Variants in NGEF observed in about 807,000 individuals in gnomAD.
NGEF encodes neuronal guanine nucleotide exchange factor.
NGEF carries 31 observed loss-of-function variants against 80.9 expected under a neutral mutation model. The observed-to-expected ratio is 0.38, with a 90% CI of 0.29 to 0.52. The LOEUF (loss-of-function observed/expected upper bound fraction) is 0.52. Among genes scored for constraint, NGEF ranks in the 20% least tolerant of loss-of-function variants. NGEF has a pLI of 0.84. For synonymous variants in NGEF, 371 were observed against 370.2 expected, an observed-to-expected ratio of 1.00 and a Z score of -0.03; for missense variants, 709 against 926.2, an observed-to-expected ratio of 0.77 and a Z score of 3.04.
intron 3 of NGEF, among the ~76,000 whole-genome samples, chr2:232,951,795 A>T (rs1353307943): frequency 6.6e-6 from 1 of 152,158 alleles, no homozygotes; most frequent in Non-Finnish European, 1.5e-5. Flanking sequence ...AATTTCTCCC[A>T]TGGGTTCTTG....
chr2:232,889,655 G>A (rs1292053668), intron 8 of NGEF, among the ~76,000 whole-genome samples: 3 of 152,108 alleles, frequency 2.0e-5, no homozygotes, highest in Non-Finnish European at 4.4e-5. Context: ...TATTTCCCAC[G>A]GAACTGCGTT....
At chr2:232,945,826 C>G (rs73102786) in intron 3 of NGEF, among the ~76,000 whole-genome samples, 6,270 of 150,546 alleles carry the variant, frequency 0.042, 433 homozygotes, top group African/African-American at 0.15. Context: ...GTTCTGTGTG[C>G]ATTTGTAGAA....
chr2:232,951,692 C>T (rs1273039724), intron 3 of NGEF, among the ~76,000 whole-genome samples: 5 of 152,144 alleles, frequency 3.3e-5, no homozygotes, highest in African/African-American at 4.8e-5. Flanking sequence ...CAGTGCACAT[C>T]GCTTGCTCTT....
At chr2:232,917,163 T>A (rs1430571678) in intron 5 of NGEF, among the ~76,000 whole-genome samples, 1 of 152,088 alleles carries the variant, frequency 6.6e-6, no homozygotes, top group East Asian at 1.9e-4. Context: ...CTCTGAAGAG[T>A]CCAGGGAAGA....
chr2:232,946,544 G>A (rs1419580559), intron 3 of NGEF, among the ~76,000 whole-genome samples: 1 of 152,212 alleles, frequency 6.6e-6, no homozygotes, highest in Non-Finnish European at 1.5e-5. Flanking sequence ...ACATACATGG[G>A]CACAATTTCC....
intron 1 of NGEF, among the ~76,000 whole-genome samples, chr2:232,994,429 C>A (rs1270276210): frequency 6.7e-5 from 10 of 150,154 alleles, no homozygotes; most frequent in Non-Finnish European, 1.5e-4. Context: ...AAGTTTTGAA[C>A]ACTGGTTAAC....
chr2:232,988,033 T>G (rs1694568807), intron 1 of NGEF, among the ~76,000 whole-genome samples: 1 of 94,124 alleles, frequency 1.1e-5, no homozygotes, highest in African/African-American at 3.9e-5. Flanking sequence ...GAAGGGATGG[T>G]CTCGTGTGTG....
At chr2:233,012,860 A>C in intron 1 of NGEF, 2 of 470,838 alleles carry the variant, frequency 4.2e-6, no homozygotes, top group Non-Finnish European at 8.8e-6. Context: ...AGATGGTGAA[A>C]CTGAGTGCCA....
chr2:232,957,570 G>A (rs910192370), intron 3 of NGEF, among the ~76,000 whole-genome samples: 11 of 152,150 alleles, frequency 7.2e-5, no homozygotes, highest in South Asian at 2.1e-4. Flanking sequence ...TGATCTGCCC[G>A]CCTCGGTCTC....
chr2:232,922,437 G>A lies in NGEF; in HGVS notation c.527-1852C>T, dbSNP rs986181124. Among the ~76,000 whole-genome samples, 11 of 152,100 alleles carry A rather than the reference G, an allele frequency of 7.2e-5. No homozygotes were observed. The South Asian group carries it at 1.0e-3, about 14-fold the overall frequency. On this transcript the variant is annotated intron_variant, in intron 4 of 14. Transcript: ENST00000264051. ...ATCCACTTCAGCAAGCTTAGAGCCCGTGCTTTTCCAACGATGCAACCCAGC... is the reference window on the plus strand; with the variant it reads ...ATCCACTTCAGCAAGCTTAGAGCCCATGCTTTTCCAACGATGCAACCCAGC...
At chr2:233,006,587 C>T (rs1695088445) in intron 1 of NGEF, among the ~76,000 whole-genome samples, 1 of 152,174 alleles carries the variant, frequency 6.6e-6, no homozygotes, top group Non-Finnish European at 1.5e-5. Context: ...ACTATGTGCA[C>T]TCATAAATTC....
chr2:232,879,274 C>T lies in NGEF; in HGVS notation c.*215G>A, dbSNP rs1017471354. ...GCTGAAACCTTCTTGTTTACAAATG[C>T]ATCAGGAGAGGCTTGGGCACCCTTT... On this transcript the variant is annotated 3_prime_UTR_variant, in exon 15 of 15. Transcript: ENST00000264051. 9 of 537,688 alleles carry T rather than the reference C, an allele frequency of 1.7e-5. No homozygotes were observed. Among genetic ancestry groups the T allele is most frequent in the African/African-American group, 1.3e-4 (7 of 53,066 alleles). The allele number at this position is 537,688 out of a possible 1,614,324, so 33.3% of individuals were successfully genotyped here.
intron 3 of NGEF, among the ~76,000 whole-genome samples, chr2:232,955,921 T>C (rs970628287): frequency 1.2e-4 from 18 of 152,224 alleles, no homozygotes; most frequent in African/African-American, 3.6e-4. Flanking sequence ...TAATATTAGA[T>C]GAAGGGTTTG....
intron 3 of NGEF, among the ~76,000 whole-genome samples, chr2:232,961,481 G>A (rs1000491536): frequency 6.6e-6 from 1 of 152,028 alleles, no homozygotes; most frequent in African/African-American, 2.4e-5. Context: ...TGGTCAACCA[G>A]ATTATTTTAT....
rs549972681 is a variant in NGEF, at chr2:232,905,592, C to G, written c.829-10676G>C. Reference sequence around the variant, plus strand: ...TCTGGGACGTGAGGAGCCCCTCTGCCTGGCTGCCCAGTCTGGAAAGTGAGG... The same window carrying G: ...TCTGGGACGTGAGGAGCCCCTCTGCGTGGCTGCCCAGTCTGGAAAGTGAGG... On this transcript the variant is annotated intron_variant, in intron 5 of 14. Coordinates refer to ENST00000264051, the MANE Select transcript of NGEF (RefSeq NM_019850.3). 786 of 285,912 alleles carry G rather than the reference C, an allele frequency of 2.7e-3. 2 individuals are homozygous for G. Among genetic ancestry groups the G allele is most frequent in the Non-Finnish European group, 4.4e-3 (614 of 138,992 alleles). 17.7% of individuals were successfully genotyped at this position (285,912 alleles called of 1,614,324 possible).
At position 232,995,095 on chromosome 2, in the gene NGEF, A is replaced by AC. The variant is rs145501372; in HGVS notation, c.-75+17972_-75+17973insG. 4.4e-3 allele frequency among the ~76,000 whole-genome samples: 31 copies of AC among 7,026 alleles called. 4 individuals are homozygous for AC. The highest frequency in any genetic ancestry group is 9.6e-3 in the Admixed American group (6 of 626). The allele number at this position is 7,026 out of a possible 152,430, so 4.6% of individuals were successfully genotyped here. On this transcript the variant is annotated intron_variant, in intron 1 of 14. Transcript: ENST00000264051. ...TACTGTATATGTGTACAGTATGTATATGTGTACAGTATGTATATGTGTACA... is the reference window on the plus strand; with the variant it reads ...TACTGTATATGTGTACAGTATGTATACTGTGTACAGTATGTATATGTGTACA...
chr2:232,953,556 T>C (rs1248452317), intron 3 of NGEF, among the ~76,000 whole-genome samples: 1 of 151,698 alleles, frequency 6.6e-6, no homozygotes, highest in Admixed American at 6.6e-5. Context: ...GACACTGATA[T>C]ACATTCCTTT....
intron 5 of NGEF, chr2:232,901,396 G>C: frequency 1.0e-6 from 1 of 985,470 alleles, no homozygotes; most frequent in Non-Finnish European, 1.2e-6. Flanking sequence ...GGTTCGCCGT[G>C]GACCTCTGGG....
At chr2:232,957,339 T>C (rs11888151) in intron 3 of NGEF, among the ~76,000 whole-genome samples, 28,873 of 151,942 alleles carry the variant, frequency 0.19, 7,529 homozygotes, top group African/African-American at 0.59. Flanking sequence ...TATTATTATT[T>C]TGAGATGGAG....
Sources: allele counts gnomAD v4.1 joint callset (sites outside exome capture counted in the v4.1 genomes callset), GRCh38; gene constraint gnomAD v4.1.1; transcripts MANE v1.5; gene names NCBI Gene and HGNC (gene_info 2026-07-23, HGNC 2026-07-21).